The following SLC24A3 variants were observed in gnomAD, a reference collection of about 807,000 sequenced individuals.
SLC24A3 encodes the protein sodium/potassium/calcium exchanger 3.
Under a neutral mutation model 75.8 loss-of-function variants are expected in SLC24A3, and 28 were observed. The ratio of observed to expected loss-of-function variants is 0.37; its 90% confidence interval spans 0.27 to 0.51. The LOEUF is 0.51. Among genes scored for constraint, SLC24A3 ranks in the 20% least tolerant of loss-of-function variants. The pLI is 0.94. For missense variants in SLC24A3, 663 were observed against 847.8 expected (o/e 0.78, Z 2.71); for synonymous variants, 372 against 334.1 (o/e 1.11, Z -1.24).
chr20:19,558,114 G>T (rs2122607318), intron 3 of SLC24A3, among the ~76,000 whole-genome samples: 1 of 152,108 alleles, frequency 6.6e-6, no homozygotes, highest in Admixed American at 6.5e-5. Context: ...CTCATTTCAG[G>T]GCCCTTGAAG....
chr20:19,357,716 G>A (rs1396601179), intron 2 of SLC24A3, among the ~76,000 whole-genome samples: 2 of 152,134 alleles, frequency 1.3e-5, no homozygotes, highest in Admixed American at 1.3e-4. Flanking sequence ...GTTATTGTCC[G>A]CTAAGTATCT....
intron 6 of SLC24A3, among the ~76,000 whole-genome samples, chr20:19,630,181 G>A (rs1053185720): frequency 5.9e-5 from 9 of 152,172 alleles, no homozygotes; most frequent in Non-Finnish European, 1.3e-4. Context: ...ATTCCATTTT[G>A]AGCAAAGTTG....
intron 2 of SLC24A3, among the ~76,000 whole-genome samples, chr20:19,374,816 G>A (rs1033963048): frequency 2.6e-5 from 4 of 152,090 alleles, no homozygotes; most frequent in African/African-American, 4.8e-5. Context: ...TTTGTCAAAG[G>A]CCTCTCTCTG....
At chr20:19,610,671 C>T (rs2031660523) in intron 6 of SLC24A3, among the ~76,000 whole-genome samples, 1 of 152,230 alleles carries the variant, frequency 6.6e-6, no homozygotes, top group Non-Finnish European at 1.5e-5. Flanking sequence ...GGTGTGTTAT[C>T]AAGCAGGTCA....
chr20:19,292,070 G>T (rs1464972153), intron 2 of SLC24A3, among the ~76,000 whole-genome samples: 1 of 152,212 alleles, frequency 6.6e-6, no homozygotes, highest in Non-Finnish European at 1.5e-5. Flanking sequence ...GGCATCACAG[G>T]CCTGGGGAGG....
chr20:19,250,878 AT>A (rs1307260375), intron 1 of SLC24A3, among the ~76,000 whole-genome samples: 2 of 152,144 alleles, frequency 1.3e-5, no homozygotes, highest in Non-Finnish European at 2.9e-5. Flanking sequence ...TGTTATCTTC[AT>A]TTTCACAGTT....
intron 4 of SLC24A3, among the ~76,000 whole-genome samples, chr20:19,580,844 G>A (rs1229534643): frequency 6.6e-6 from 1 of 152,060 alleles, no homozygotes; most frequent in Non-Finnish European, 1.5e-5. Context: ...TCGAGAACTC[G>A]GTTTCTTTAT....
At chr20:19,224,121 A>AGAGTGT (rs111340592) in intron 1 of SLC24A3, among the ~76,000 whole-genome samples, 5 of 149,210 alleles carry the variant, frequency 3.4e-5, no homozygotes, top group African/African-American at 1.2e-4. Context: ...TGAGTGTGTG[A>AGAGTGT]GTGTGTGTGT....
At chr20:19,388,856 G>A (rs1986318430) in intron 2 of SLC24A3, among the ~76,000 whole-genome samples, 1 of 151,946 alleles carries the variant, frequency 6.6e-6, no homozygotes, top group Non-Finnish European at 1.5e-5. Flanking sequence ...GATAATTTCA[G>A]CCATTTATAT....
intron 3 of SLC24A3, among the ~76,000 whole-genome samples, chr20:19,553,191 G>A (rs1039087063): frequency 2.0e-5 from 3 of 150,966 alleles, no homozygotes; most frequent in Non-Finnish European, 2.9e-5. Flanking sequence ...TTGTGTGCAC[G>A]TGTATGTCCG....
intron 1 of SLC24A3, among the ~76,000 whole-genome samples, chr20:19,223,606 T>G (rs1296628806): frequency 6.6e-6 from 1 of 152,178 alleles, no homozygotes; most frequent in Non-Finnish European, 1.5e-5. Flanking sequence ...AGTAAGAGAT[T>G]AACAATAACT....
intron 2 of SLC24A3, among the ~76,000 whole-genome samples, chr20:19,292,299 T>A (rs1983960431): frequency 6.6e-6 from 1 of 152,190 alleles, no homozygotes; most frequent in Non-Finnish European, 1.5e-5. Context: ...CTTGTCACAC[T>A]TAAGAGATTG....
intron 12 of SLC24A3, among the ~76,000 whole-genome samples, chr20:19,688,069 T>G (rs1461821702): frequency 2.0e-5 from 3 of 152,154 alleles, no homozygotes; most frequent in African/African-American, 7.2e-5. Context: ...TCCATGTCAT[T>G]CAAGGGCTCC....
At chr20:19,315,661 G>A (rs561964830) in intron 2 of SLC24A3, among the ~76,000 whole-genome samples, 1 of 152,324 alleles carries the variant, frequency 6.6e-6, no homozygotes, top group African/African-American at 2.4e-5. Flanking sequence ...AAGAACACAG[G>A]TGCTGGTGAC....
chr20:19,385,182 A>G (rs763644771), intron 2 of SLC24A3, among the ~76,000 whole-genome samples: 146 of 152,198 alleles, frequency 9.6e-4, no homozygotes, highest in Non-Finnish European at 1.8e-3. Flanking sequence ...ATTGTTGCCT[A>G]TAATTTTGGG....
chr20:19,320,513 A>G (rs1984683608), intron 2 of SLC24A3, among the ~76,000 whole-genome samples: 1 of 152,004 alleles, frequency 6.6e-6, no homozygotes, highest in African/African-American at 2.4e-5. Context: ...CTTTATGTCC[A>G]CATCCTATGC....
chr20:19,439,362 T>C (rs1432694799), intron 2 of SLC24A3, among the ~76,000 whole-genome samples: 2 of 152,196 alleles, frequency 1.3e-5, no homozygotes, highest in Non-Finnish European at 2.9e-5. Flanking sequence ...TTAAAAAATT[T>C]TTTTCTTCTG....
chr20:19,438,683 G>GCATC (rs1218642763), intron 2 of SLC24A3, among the ~76,000 whole-genome samples: 1 of 149,508 alleles, frequency 6.7e-6, no homozygotes, highest in Non-Finnish European at 1.5e-5. Context: ...TCTGCACCCA[G>GCATC]CATCCCCACA....
chr20:19,451,427 T>C (rs1987478924), intron 2 of SLC24A3, among the ~76,000 whole-genome samples: 1 of 152,238 alleles, frequency 6.6e-6, no homozygotes, highest in African/African-American at 2.4e-5. Context: ...CTTGGTCCAT[T>C]CGTCATCATG....
Sources: gnomAD v4.1 joint callset for allele counts (sites outside exome capture counted in the v4.1 genomes callset) on GRCh38, gnomAD v4.1.1 for gene constraint, MANE v1.5 for transcripts, NCBI Gene and HGNC (gene_info 2026-07-23, HGNC 2026-07-21) for gene names.